The following FAM234A variants were observed in gnomAD, a reference collection of about 807,000 sequenced individuals.
The protein encoded by FAM234A is protein FAM234A.
FAM234A carries 42 observed loss-of-function variants against 49.1 expected under a neutral mutation model. That is an observed-to-expected ratio of 0.86 (90% CI 0.67 to 1.11). FAM234A has a LOEUF of 1.11. FAM234A is among the 50% of genes least tolerant of loss of function. FAM234A has a pLI of 0.00. For missense variants in FAM234A, 815 were observed against 745.2 expected, an observed-to-expected ratio of 1.09 and a Z score of -1.09; for synonymous variants, 369 against 316.2, an observed-to-expected ratio of 1.17 and a Z score of -1.77.
At chr16:262,941 T>C (rs1416895004) in intron 8 of FAM234A, among the ~76,000 whole-genome samples, 2 of 150,956 alleles carry the variant, frequency 1.3e-5, no homozygotes, top group East Asian at 4.0e-4. Context: ...TGCCCCAGCC[T>C]CCCGAGTAGC....
At position 263,767 on chromosome 16, in the gene FAM234A, G is replaced by A. The variant is rs772106861; in HGVS notation, c.1180G>A (p.Asp394Asn). The A allele has an allele frequency of 1.8e-5, 29 of 1,612,950 alleles. No homozygotes were observed. The highest frequency in any genetic ancestry group is 5.3e-5 in the African/African-American group (4 of 75,030). ...AGCCGTTGAAAACGGAACTGGCACCGACAGACAGGTTCGTTGTTCTTCCTT... is the reference window on the plus strand; with the variant it reads ...AGCCGTTGAAAACGGAACTGGCACCAACAGACAGGTTCGTTGTTCTTCCTT... Reference protein sequence around the residue: ...AVAVENGTGTDRQILFLDLGT... With the variant: ...AVAVENGTGTNRQILFLDLGT... Residue 394 changes from aspartate to asparagine, a missense_variant, in exon 10 of 13, where the codon GAC becomes AAC. Coordinates refer to ENST00000399932, the MANE Select transcript of FAM234A (RefSeq NM_032039.4).
chr16:259,195 T>C (rs981531607), intron 3 of FAM234A, among the ~76,000 whole-genome samples: 2 of 152,170 alleles, frequency 1.3e-5, no homozygotes, highest in Non-Finnish European at 2.9e-5. Context: ...AGATGCCCCC[T>C]GGTCTAGGGA....
intron 1 of FAM234A, among the ~76,000 whole-genome samples, chr16:243,173 C>G (rs2050680064): frequency 6.6e-6 from 1 of 151,804 alleles, no homozygotes; most frequent in Non-Finnish European, 1.5e-5. Flanking sequence ...GAGATGGGGT[C>G]TCCCCATGTT....
chr16:269,221 G>T, downstream of FAM234A: 1 of 1,344,184 alleles, frequency 7.4e-7, no homozygotes, highest in East Asian at 2.5e-5. Context: ...CTGCATTCAC[G>T]CAGGACGTTG....
At position 254,514 on chromosome 16, in the gene FAM234A, A is replaced by T. The variant is rs764289540; in HGVS notation, c.101A>T (p.Asn34Ile). 1.9e-6 allele frequency: 3 copies of T among 1,614,250 alleles called. No homozygotes were observed. In the South Asian group the frequency reaches 3.3e-5, roughly 18 times the overall value. ...NLGNPSKNEDNVKSAPPQSRL... is the reference protein window; with the variant it reads ...NLGNPSKNEDIVKSAPPQSRL... ...GGAAATCCATCAAAAAATGAGGATAACGTGAAAAGCGCGCCTCCACAGTCC... is the reference window on the plus strand; with the variant it reads ...GGAAATCCATCAAAAAATGAGGATATCGTGAAAAGCGCGCCTCCACAGTCC... Residue 34 changes from asparagine to isoleucine, a missense_variant, in exon 3 of 13, where the codon AAC becomes ATC. Coordinates refer to ENST00000399932, the MANE Select transcript of FAM234A (RefSeq NM_032039.4).
chr16:246,218 A>AT (rs1371996040), intron 1 of FAM234A, among the ~76,000 whole-genome samples: 38 of 150,240 alleles, frequency 2.5e-4, no homozygotes, highest in African/African-American at 8.5e-4. Context: ...CTGTCTCAAA[A>AT]AAATAATAAT....
intron 3 of FAM234A, among the ~76,000 whole-genome samples, chr16:257,299 G>A (rs918243729): frequency 9.6e-5 from 13 of 135,900 alleles, no homozygotes; most frequent in Non-Finnish European, 1.8e-4. Flanking sequence ...GCTGGAGAGT[G>A]CAGTGGCGCG....
intron 1 of FAM234A, among the ~76,000 whole-genome samples, chr16:246,393 C>T (rs2050806032): frequency 7.0e-6 from 1 of 142,296 alleles, no homozygotes; most frequent in South Asian, 2.3e-4. Flanking sequence ...GTTCTCCTGC[C>T]TCAGCCTCCT....
intron 1 of FAM234A, among the ~76,000 whole-genome samples, chr16:248,856 A>G (rs1043981565): frequency 1.1e-4 from 16 of 151,910 alleles, no homozygotes; most frequent in African/African-American, 3.6e-4. Flanking sequence ...CCTAGGCTCA[A>G]GCGACCCACC....
rs145761031 is a variant in FAM234A at position 259,032 on chromosome 16, C to T, written c.269-451C>T. On this transcript the variant is annotated intron_variant, in intron 3 of 12. Coordinates refer to ENST00000399932, the MANE Select transcript of FAM234A (RefSeq NM_032039.4). ...TCTTGACCTCGTTATCTGCCCTCCT[C>T]GGCCTCCCAAAGTGCTGGGATTACA... 1.5e-3 allele frequency among the ~76,000 whole-genome samples: 223 copies of T among 152,322 alleles called. 1 individual carries two copies. The highest frequency in any genetic ancestry group is 0.01 in the Middle Eastern group (3 of 294).
intron 11 of FAM234A, 64 bp downstream of exon 11, chr16:264,235 C>CCA: frequency 6.7e-7 from 1 of 1,490,066 alleles, no homozygotes; most frequent in Non-Finnish European, 9.0e-7. Flanking sequence ...GGCTGGAGCT[C>CCA]CACCGTGGAG....
chr16:261,349 A>G lies in FAM234A; in HGVS notation c.578-35A>G, dbSNP rs370310669. ...GCCGGGCTGCTGTTGAAGGGGACTC[A>G]GGGCCACGTTCCGTGACCGTGTGCT... On this transcript the variant is annotated intron_variant, in intron 5 of 12. Transcript: ENST00000399932. The G allele has an allele frequency of 1.4e-5, 22 of 1,592,928 alleles. No individual in the cohort carries two copies. The African/African-American group carries it at 2.0e-4, about 15-fold the overall frequency.
In FAM234A at chr16:262,562, G is replaced by T; in HGVS notation, c.971+9G>T. The T allele has an allele frequency of 6.3e-7, 1 of 1,577,614 alleles. No individual in the cohort carries two copies. The highest frequency in any genetic ancestry group is 8.6e-7 in the Non-Finnish European group (1 of 1,164,628). On this transcript the variant is annotated intron_variant, in intron 8 of 12. Coordinates refer to ENST00000399932, the MANE Select transcript of FAM234A (RefSeq NM_032039.4). ...AGGATGCTTTCCCACAGGTGGGTCCGGGCCGCAGCCTTTCTCCATGCAGAG... is the reference window on the plus strand; with the variant it reads ...AGGATGCTTTCCCACAGGTGGGTCCTGGCCGCAGCCTTTCTCCATGCAGAG...
At chr16:258,102 C>G (rs2051310658) in intron 3 of FAM234A, among the ~76,000 whole-genome samples, 1 of 152,048 alleles carries the variant, frequency 6.6e-6, no homozygotes, top group Non-Finnish European at 1.5e-5. Context: ...GATCCACCCG[C>G]CTCGGCCTCC....
chr16:256,803 C>A (rs1253603086), intron 3 of FAM234A, among the ~76,000 whole-genome samples: 5 of 150,034 alleles, frequency 3.3e-5, no homozygotes, highest in South Asian at 4.2e-4. Flanking sequence ...AGTGCAATGG[C>A]CTGATCTCAG....
intron 1 of FAM234A, among the ~76,000 whole-genome samples, chr16:245,266 G>C (rs573587720): frequency 6.6e-6 from 1 of 152,086 alleles, no homozygotes; most frequent in African/African-American, 2.4e-5. Flanking sequence ...AGAATCTCTC[G>C]AACCCAGCAG....
rs949590034 is a variant in FAM234A at position 265,733 on chromosome 16, T to G, written c.*711T>G. On this transcript the variant is annotated 3_prime_UTR_variant, in exon 13 of 13. Transcript: ENST00000399932. Reference sequence around the variant, plus strand: ...CCGCTCACAGGTGTCCTTAGTGGTGTTGCAGCTGTCTACTGGCTGCATGTG... The same window carrying G: ...CCGCTCACAGGTGTCCTTAGTGGTGGTGCAGCTGTCTACTGGCTGCATGTG... 5.1e-6 allele frequency: 5 copies of G among 985,524 alleles called. No individual in the cohort carries two copies. The highest frequency in any genetic ancestry group is 3.5e-5 in the African/African-American group (2 of 57,240). The allele number at this position is 985,524 out of a possible 1,614,324, so 61.0% of individuals were successfully genotyped here.
chr16:254,461 T>C lies in FAM234A; in HGVS notation c.48T>C (p.Asn16=). 6.2e-7 allele frequency: 1 copy of C among 1,614,002 alleles called. No individual in the cohort carries two copies. Among genetic ancestry groups the C allele is most frequent in the Non-Finnish European group, 8.5e-7 (1 of 1,180,000 alleles). ...DLEAEIHPLK[N]EERKSQENLG... ...AGGCCGAAATCCACCCCTTGAAAAA[T>C]GAAGAAAGAAAATCGCAGGAAAATC... Residue 16 remains asparagine, a synonymous_variant, in exon 3 of 13, where the codon AAT becomes AAC. Coordinates refer to ENST00000399932, the MANE Select transcript of FAM234A (RefSeq NM_032039.4).
At position 265,912 on chromosome 16, in the gene FAM234A, G is replaced by A. The variant is rs916705457; in HGVS notation, c.*890G>A. 21 of 986,236 alleles carry A rather than the reference G, an allele frequency of 2.1e-5. No homozygotes were observed. The highest frequency in any genetic ancestry group is 2.3e-4 in the East Asian group (2 of 8,830). 61.1% of individuals were successfully genotyped at this position (986,236 alleles called of 1,614,324 possible). A position where few individuals can be genotyped will look rare whatever the true frequency, so the allele number is the denominator to read the frequency against. On this transcript the variant is annotated 3_prime_UTR_variant, in exon 13 of 13. Transcript: ENST00000399932. The stretch of plus-strand genomic sequence containing the variant: ...CCCCTTCCGGTGCTCACACGCCCAC[G>A]CCGTGCCACCCGATGCAGGACTCAC...
Sources: allele counts gnomAD v4.1 joint callset (sites outside exome capture counted in the v4.1 genomes callset), GRCh38; gene constraint gnomAD v4.1.1; transcripts MANE v1.5; gene names NCBI Gene and HGNC (gene_info 2026-07-23, HGNC 2026-07-21).